ENAH: variants seen among roughly 807,000 people sequenced by gnomAD.
ENAH encodes protein enabled homolog.
A neutral mutation model predicts 78.7 loss-of-function variants in ENAH; 23 were observed. That is an observed-to-expected ratio of 0.29 (90% CI 0.21 to 0.41). ENAH has a LOEUF of 0.41. ENAH is among the 10% of genes least tolerant of loss of function. The pLI is 1.00. For synonymous variants in ENAH, 226 were observed against 241.0 expected, an observed-to-expected ratio of 0.94 and a Z score of 0.58; for missense variants, 544 against 691.0, an observed-to-expected ratio of 0.79 and a Z score of 2.39.
chr1:225,524,334 A>AT (rs2096489944), intron 4 of ENAH, among the ~76,000 whole-genome samples: 1 of 152,252 alleles, frequency 6.6e-6, no homozygotes, highest in Non-Finnish European at 1.5e-5. Context: ...CCTATAATGA[A>AT]TAGTGTTACT....
At chr1:225,608,472 A>G (rs1432114042) in intron 1 of ENAH, among the ~76,000 whole-genome samples, 1 of 151,878 alleles carries the variant, frequency 6.6e-6, no homozygotes, top group Non-Finnish European at 1.5e-5. Flanking sequence ...AACACCAGGA[A>G]TAAGAGAAGA....
chr1:225,545,686 C>T (rs982895396), intron 3 of ENAH, among the ~76,000 whole-genome samples: 7 of 152,086 alleles, frequency 4.6e-5, no homozygotes, highest in Non-Finnish European at 2.9e-5. Flanking sequence ...CTGTGGCATG[C>T]TGTTCTGGCT....
chr1:225,650,875 A>G (rs1349512391), intron 1 of ENAH, among the ~76,000 whole-genome samples: 1 of 150,204 alleles, frequency 6.7e-6, no homozygotes, highest in Non-Finnish European at 1.5e-5. Flanking sequence ...AAAAAAAAAA[A>G]AAACTTTCCC....
chr1:225,494,279 A>AT lies in ENAH; in HGVS notation c.*3495dup, dbSNP rs1274730367. On this transcript the variant is annotated 3_prime_UTR_variant, in exon 14 of 14. Transcript: ENST00000366843. ...TCAGAATTATAAAATGGAACTCAAA[A>AT]TTAATACTTTATAATAGAGAAAAAG... The AT allele has an allele frequency of 6.6e-6, 1 of 152,106 alleles. No individual in the cohort carries two copies. The highest frequency in any genetic ancestry group is 2.4e-5 in the African/African-American group (1 of 41,428). 9.4% of individuals were successfully genotyped at this position (152,106 alleles called of 1,614,324 possible).
chr1:225,515,280 T>C, intron 6 of ENAH: 1 of 186,890 alleles, frequency 5.4e-6, no homozygotes, highest in Non-Finnish European at 1.1e-5. Context: ...ACTTGAAATA[T>C]CAGACCCAAA....
At chr1:225,629,277 C>A (rs1431473483) in intron 1 of ENAH, among the ~76,000 whole-genome samples, 1 of 149,896 alleles carries the variant, frequency 6.7e-6, no homozygotes, top group Non-Finnish European at 1.5e-5. Flanking sequence ...GACTCCATCT[C>A]GGAAGAAAGA....
At chr1:225,541,587 A>G (rs1407590223) in intron 3 of ENAH, among the ~76,000 whole-genome samples, 1 of 152,250 alleles carries the variant, frequency 6.6e-6, no homozygotes, top group Non-Finnish European at 1.5e-5. Context: ...GAAAATAACA[A>G]GTGCCATGCT....
intron 3 of ENAH, among the ~76,000 whole-genome samples, chr1:225,548,070 T>C (rs570458226): frequency 1.3e-5 from 2 of 152,318 alleles, no homozygotes; most frequent in South Asian, 4.1e-4. Flanking sequence ...GATGGATGAA[T>C]TAATTTGTCT....
chr1:225,500,430 C>G (rs972147598), intron 12 of ENAH, among the ~76,000 whole-genome samples: 1 of 152,128 alleles, frequency 6.6e-6, no homozygotes, highest in African/African-American at 2.4e-5. Flanking sequence ...TACTATTAAG[C>G]ATACTAAATT....
rs972456114 is a variant in ENAH at position 225,493,368 on chromosome 1, T to G, written c.*4407A>C. The stretch of plus-strand genomic sequence containing the variant: ...TTCTTTAAGTAATTGTCCTCTACTA[T>G]GTCTTTACATAGCCAAAGCTACCTA... On this transcript the variant is annotated 3_prime_UTR_variant, in exon 14 of 14. Coordinates refer to ENST00000366843, the MANE Select transcript of ENAH (RefSeq NM_018212.6). 3 of 152,226 alleles carry G rather than the reference T, an allele frequency of 2.0e-5. No individual in the cohort carries two copies. Among genetic ancestry groups the G allele is most frequent in the Non-Finnish European group, 4.4e-5 (3 of 68,038 alleles). 9.4% of individuals were successfully genotyped at this position (152,226 alleles called of 1,614,324 possible).
intron 3 of ENAH, among the ~76,000 whole-genome samples, chr1:225,537,920 T>C (rs1331150877): frequency 6.6e-6 from 1 of 152,206 alleles, no homozygotes; most frequent in Non-Finnish European, 1.5e-5. Flanking sequence ...TGTATTTTAT[T>C]ACTGTATATA....
rs2096244705 is a variant in ENAH at position 225,495,455 on chromosome 1, GGTT to G, written c.*2317_*2319del. On this transcript the variant is annotated 3_prime_UTR_variant, in exon 14 of 14. Transcript: ENST00000366843. ...GGGAAATATAGCATGATTCAACACT[GGTT>G]TTTTTTTTTTTTTTTTTTTGTCAGT... is the stretch of plus-strand genomic sequence containing the variant. The G allele has an allele frequency of 1.6e-5, 1 of 63,528 alleles. No homozygotes were observed. The highest frequency in any genetic ancestry group is 3.0e-5 in the Non-Finnish European group (1 of 33,834). 3.9% of individuals were successfully genotyped at this position (63,528 alleles called of 1,614,324 possible). A position where few individuals can be genotyped will look rare whatever the true frequency, so the allele number is the denominator to read the frequency against.
chr1:225,546,751 T>C (rs1173271745), intron 3 of ENAH, among the ~76,000 whole-genome samples: 1 of 152,188 alleles, frequency 6.6e-6, no homozygotes, highest in African/African-American at 2.4e-5. Flanking sequence ...ATTAACCCCC[T>C]TGAACTCAAT....
At position 225,490,601 on chromosome 1, in the gene ENAH, A is replaced by G. The variant is rs553081513; in HGVS notation, c.*7174T>C. ...ATTTTTTTTTGCAATTGAAACTTAA[A>G]ATGATCAAGCCCAAAGTACCTCTGG... On this transcript the variant is annotated 3_prime_UTR_variant, in exon 14 of 14. Transcript: ENST00000366843. The G allele has an allele frequency of 1.3e-5, 2 of 152,192 alleles. No individual in the cohort carries two copies. Among genetic ancestry groups the G allele is most frequent in the South Asian group, 4.2e-4 (2 of 4,814 alleles). 9.4% of individuals were successfully genotyped at this position (152,192 alleles called of 1,614,324 possible).
chr1:225,579,440 A>AT (rs887217796), intron 1 of ENAH, among the ~76,000 whole-genome samples: 1 of 152,206 alleles, frequency 6.6e-6, no homozygotes, highest in Non-Finnish European at 1.5e-5. Flanking sequence ...AGAATATCAG[A>AT]TTTTTTTAAG....
chr1:225,635,386 T>C (rs75216694), intron 1 of ENAH, among the ~76,000 whole-genome samples: 6,344 of 152,246 alleles, frequency 0.042, 207 homozygotes, highest in South Asian at 0.1. Context: ...ATCGTAGGTG[T>C]ATAGAAATAA....
rs1361301780 is a variant in ENAH, at chr1:225,557,887, T to G, written c.172-2804A>C. 2.0e-5 allele frequency among the ~76,000 whole-genome samples: 3 copies of G among 152,192 alleles called. No individual in the cohort carries two copies. The East Asian group carries it at 5.8e-4, about 29-fold the overall frequency. ...GTAATAATTTTATTGATATCTTTTA[T>G]CTGGGGAAAAACCCTACTACTTGAC... On this transcript the variant is annotated intron_variant, in intron 2 of 13. Transcript: ENST00000366843.
chr1:225,593,072 T>C (rs2096884592), intron 1 of ENAH, among the ~76,000 whole-genome samples: 1 of 152,140 alleles, frequency 6.6e-6, no homozygotes, highest in Non-Finnish European at 1.5e-5. Flanking sequence ...AGGACTAGAC[T>C]AGCTATAACT....
chr1:225,614,190 C>T (rs2097010109), intron 1 of ENAH, among the ~76,000 whole-genome samples: 1 of 151,884 alleles, frequency 6.6e-6, no homozygotes, highest in African/African-American at 2.4e-5. Flanking sequence ...TCCTAAGTAG[C>T]TGGGATTACA....
Sources: gnomAD v4.1 joint callset for allele counts (sites outside exome capture counted in the v4.1 genomes callset) on GRCh38, gnomAD v4.1.1 for gene constraint, MANE v1.5 for transcripts, NCBI Gene and HGNC (gene_info 2026-07-23, HGNC 2026-07-21) for gene names.